DPH6: variants seen among roughly 807,000 people sequenced by gnomAD.
DPH6 encodes the protein diphthine--ammonia ligase.
Under a neutral mutation model 38.2 loss-of-function variants are expected in DPH6, and 33 were observed. That is an observed-to-expected ratio of 0.86 (90% CI 0.65 to 1.15). The LOEUF (loss-of-function observed/expected upper bound fraction) is 1.15, where lower values mean the gene tolerates loss of function less well. Ranked by LOEUF, DPH6 falls within the 50% of genes most tolerant of loss-of-function variation. DPH6 has a pLI of 0.00. For missense variants in DPH6, 325 were observed against 320.0 expected (o/e 1.02, Z -0.12); for synonymous variants, 108 against 103.0 (o/e 1.05, Z -0.30).
the DPH6 span, among the ~76,000 whole-genome samples, chr15:35,177,272 T>A: frequency 8.6e-5 from 13 of 151,776 alleles, no homozygotes; most frequent in East Asian, 1.9e-4. Context: ...AACCAAGTTT[T>A]AAAAAAAACT....
rs568092930 is a variant in DPH6 at position 35,536,552 on chromosome 15, T to C, written c.312+1722A>G. Among the ~76,000 whole-genome samples, 229 of 152,046 alleles carry C rather than the reference T, an allele frequency of 1.5e-3. 1 individual carries two copies. The highest frequency in any genetic ancestry group is 6.3e-3 in the Middle Eastern group (2 of 316). On this transcript the variant is annotated intron_variant, in intron 3 of 8. Transcript: ENST00000256538. Reference sequence around the variant, plus strand: ...GGAAAAGAAAATTTCTTCTTAATTATTGCTAATCTGCCCATTTTTAATTAA... The same window carrying C: ...GGAAAAGAAAATTTCTTCTTAATTACTGCTAATCTGCCCATTTTTAATTAA...
downstream of DPH6, among the ~76,000 whole-genome samples, chr15:35,213,888 G>A (rs1283637283): frequency 2.0e-5 from 3 of 152,146 alleles, no homozygotes; most frequent in East Asian, 1.9e-4. Flanking sequence ...CGAGGCGGGT[G>A]GATCACAAGG....
chr15:35,388,192 C>T (rs1454479806), intron 6 of DPH6, among the ~76,000 whole-genome samples: 1 of 152,026 alleles, frequency 6.6e-6, no homozygotes, highest in Non-Finnish European at 1.5e-5. Flanking sequence ...GGGATGAAGC[C>T]CACTTGATCA....
intron 3 of DPH6, chr15:35,237,969 T>C: frequency 7.0e-7 from 1 of 1,430,480 alleles, no homozygotes; most frequent in East Asian, 2.3e-5. Flanking sequence ...GATGGAGAGG[T>C]TGATGATGAG....
chr15:35,515,309 A>G (rs1212133850), intron 3 of DPH6, among the ~76,000 whole-genome samples: 3 of 152,152 alleles, frequency 2.0e-5, no homozygotes, highest in Admixed American at 2.0e-4. Flanking sequence ...AAAAGTTCAT[A>G]GGGGCTGGGT....
intron 5 of DPH6, among the ~76,000 whole-genome samples, chr15:35,417,675 T>C (rs547194368): frequency 3.3e-5 from 5 of 152,220 alleles, no homozygotes; most frequent in African/African-American, 1.2e-4. Context: ...AATTCTATCC[T>C]ATAAAATCAT....
At chr15:35,190,585 C>T in the DPH6 span, among the ~76,000 whole-genome samples, 2 of 152,184 alleles carry the variant, frequency 1.3e-5, no homozygotes, top group Non-Finnish European at 2.9e-5. Context: ...ATGTTATCCC[C>T]AAGAGCAGTT....
chr15:35,388,122 C>T (rs1468610515), intron 6 of DPH6, among the ~76,000 whole-genome samples: 2 of 152,150 alleles, frequency 1.3e-5, no homozygotes, highest in African/African-American at 4.8e-5. Flanking sequence ...GTCTTTGGTT[C>T]TGTTTATATG....
intron 6 of DPH6, among the ~76,000 whole-genome samples, chr15:35,391,373 A>C (rs976282257): frequency 6.6e-6 from 1 of 152,172 alleles, no homozygotes; most frequent in Non-Finnish European, 1.5e-5. Flanking sequence ...CAAATCTGTC[A>C]GACAGGGACA....
chr15:35,312,984 T>C (rs1486859596), intron 3 of DPH6, among the ~76,000 whole-genome samples: 1 of 152,150 alleles, frequency 6.6e-6, no homozygotes, highest in Non-Finnish European at 1.5e-5. Context: ...TCCCAGCACT[T>C]TGGGAGGCTA....
intron 5 of DPH6, among the ~76,000 whole-genome samples, chr15:35,434,493 A>G (rs1456813167): frequency 6.6e-6 from 1 of 152,204 alleles, no homozygotes; most frequent in Non-Finnish European, 1.5e-5. Flanking sequence ...AGAAATAATT[A>G]ATTGATTATA....
At chr15:35,168,310 C>T in the DPH6 span, among the ~76,000 whole-genome samples, 3 of 151,886 alleles carry the variant, frequency 2.0e-5, no homozygotes, top group Non-Finnish European at 4.4e-5. Context: ...AATGTATTGC[C>T]TTGAAAAGAG....
chr15:35,268,589 G>A (rs2051800462), intron 3 of DPH6, among the ~76,000 whole-genome samples: 2 of 151,658 alleles, frequency 1.3e-5, no homozygotes, highest in South Asian at 4.1e-4. Context: ...ATTTTTTTAG[G>A]GGAAAGCAGA....
intron 3 of DPH6, among the ~76,000 whole-genome samples, chr15:35,458,897 T>C (rs1360240427): frequency 1.3e-5 from 2 of 152,226 alleles, no homozygotes; most frequent in Non-Finnish European, 2.9e-5. Context: ...ATTTCAGTTA[T>C]TCCCAAACAG....
chr15:35,208,731 G>T, the DPH6 span, among the ~76,000 whole-genome samples: 3 of 152,110 alleles, frequency 2.0e-5, no homozygotes, highest in African/African-American at 7.2e-5. Context: ...ATCTGGCGGT[G>T]TAAGACTTTC....
At chr15:35,202,575 T>C in the DPH6 span, among the ~76,000 whole-genome samples, 4 of 151,910 alleles carry the variant, frequency 2.6e-5, no homozygotes, top group East Asian at 3.9e-4. Context: ...ACCCAACTTA[T>C]CATATTCTTC....
At chr15:35,204,172 T>C in the DPH6 span, among the ~76,000 whole-genome samples, 2 of 151,780 alleles carry the variant, frequency 1.3e-5, no homozygotes, top group African/African-American at 4.8e-5. Context: ...TGTCAGCTTA[T>C]ACACTGCCTT....
chr15:35,178,757 C>A, the DPH6 span, among the ~76,000 whole-genome samples: 1 of 152,118 alleles, frequency 6.6e-6, no homozygotes, highest in African/African-American at 2.4e-5. Context: ...TCATTAAGTG[C>A]AAATTCAAAT....
intron 3 of DPH6, among the ~76,000 whole-genome samples, chr15:35,339,147 C>T (rs927083113): frequency 3.3e-5 from 5 of 151,658 alleles, no homozygotes; most frequent in Admixed American, 6.6e-5. Flanking sequence ...CAAACCTGCA[C>T]GTTGTGCATA....
Sources: allele counts gnomAD v4.1 joint callset (sites outside exome capture counted in the v4.1 genomes callset), GRCh38; gene constraint gnomAD v4.1.1; transcripts MANE v1.5; gene names NCBI Gene and HGNC (gene_info 2026-07-23, HGNC 2026-07-21).